Variants in SEMA3A observed in about 807,000 individuals in gnomAD.
SEMA3A encodes semaphorin-3A.
Under a neutral mutation model 97.9 loss-of-function variants are expected in SEMA3A, and 29 were observed. The ratio of observed to expected loss-of-function variants is 0.30; its 90% CI spans 0.22 to 0.40. The LOEUF is 0.40. Among genes scored for constraint, SEMA3A ranks in the 10% least tolerant of loss-of-function variants. SEMA3A has a pLI of 1.00. For synonymous variants in SEMA3A, 321 were observed against 323.7 expected, an observed-to-expected ratio of 0.99 and a Z score of 0.09; for missense variants, 763 against 951.3, an observed-to-expected ratio of 0.80 and a Z score of 2.60.
chr7:84,085,428 G>A (rs1341501703), intron 4 of SEMA3A, among the ~76,000 whole-genome samples: 1 of 151,894 alleles, frequency 6.6e-6, no homozygotes, highest in Non-Finnish European at 1.5e-5. Context: ...CTAGTGGGCT[G>A]GATGAGGGCA....
At chr7:84,402,314 A>T (rs1803926624) in intron 1 of SEMA3A, among the ~76,000 whole-genome samples, 1 of 152,188 alleles carries the variant, frequency 6.6e-6, no homozygotes, top group South Asian at 2.1e-4. Flanking sequence ...TCCTAGTTAG[A>T]ATGCTATTAA....
chr7:84,222,419 G>A (rs1413120655), intron 3 of SEMA3A, among the ~76,000 whole-genome samples: 2 of 151,914 alleles, frequency 1.3e-5, no homozygotes, highest in South Asian at 2.1e-4. Context: ...TATAGGACAA[G>A]CAGGAATAGC....
intron 1 of SEMA3A, among the ~76,000 whole-genome samples, chr7:84,461,535 T>C (rs376905135): frequency 6.6e-6 from 1 of 152,084 alleles, no homozygotes; most frequent in Non-Finnish European, 1.5e-5. Context: ...AGGAGACTTA[T>C]GCATGAAGAG....
At chr7:84,331,305 G>C (rs1801903968) in intron 2 of SEMA3A, among the ~76,000 whole-genome samples, 1 of 152,036 alleles carries the variant, frequency 6.6e-6, no homozygotes. Flanking sequence ...TGAAATCAAG[G>C]CTTAATATTT....
At chr7:84,411,381 T>C (rs1005203633) in intron 1 of SEMA3A, among the ~76,000 whole-genome samples, 6 of 152,100 alleles carry the variant, frequency 3.9e-5, no homozygotes, top group Non-Finnish European at 8.8e-5. Flanking sequence ...GATTTATCTC[T>C]CAGGGATGCT....
At chr7:84,414,557 T>G (rs1402056068) in intron 1 of SEMA3A, among the ~76,000 whole-genome samples, 1 of 152,094 alleles carries the variant, frequency 6.6e-6, no homozygotes, top group Non-Finnish European at 1.5e-5. Context: ...ACACAAATGG[T>G]CATTATGTGA....
intron 3 of SEMA3A, among the ~76,000 whole-genome samples, chr7:84,305,155 C>T (rs549154139): frequency 6.6e-6 from 1 of 150,852 alleles, no homozygotes; most frequent in African/African-American, 2.4e-5. Flanking sequence ...AATATACTGT[C>T]TACGCTTTTA....
intron 2 of SEMA3A, among the ~76,000 whole-genome samples, chr7:84,321,872 G>GAAAAAAAAAAAAAAA (rs1156548285): frequency 8.3e-4 from 10 of 12,020 alleles, no homozygotes; most frequent in African/African-American, 1.3e-3. Context: ...CGAGACTACG[G>GAAAAAAAAAAAAAAA]AAAAAAAAAA....
chr7:84,249,791 A>G (rs1799564833), intron 3 of SEMA3A, among the ~76,000 whole-genome samples: 1 of 152,004 alleles, frequency 6.6e-6, no homozygotes, highest in African/African-American at 2.4e-5. Context: ...TCTAAAAAAA[A>G]AAAAAATTGT....
At chr7:84,269,711 A>C (rs771035540) in intron 3 of SEMA3A, among the ~76,000 whole-genome samples, 60 of 152,226 alleles carry the variant, frequency 3.9e-4, no homozygotes, top group Non-Finnish European at 7.2e-4. Flanking sequence ...TTAGGTTTGC[A>C]AAAGCAACTC....
rs570130530 is a variant in SEMA3A, at chr7:84,379,829, A to G, written c.-245-7929T>C. ...TCCTTCATATGTTACTGCTTACAGT[A>G]TTTTTCAATTAGGGACAATTTGTTA... On this transcript the variant is annotated intron_variant, in intron 1 of 3. Transcript: ENST00000424555. Among the ~76,000 whole-genome samples the G allele has an allele frequency of 3.3e-5, 5 of 152,308 alleles. No individual in the cohort carries two copies. The South Asian group carries it at 1.0e-3, about 32-fold the overall frequency.
intron 2 of SEMA3A, among the ~76,000 whole-genome samples, chr7:84,312,961 A>C (rs1440049796): frequency 7.4e-6 from 1 of 135,876 alleles, no homozygotes; most frequent in Non-Finnish European, 1.6e-5. Context: ...CATATATGTT[A>C]CATATTGTAT....
At chr7:84,424,542 A>G (rs1218806345) in intron 1 of SEMA3A, among the ~76,000 whole-genome samples, 3 of 92,918 alleles carry the variant, frequency 3.2e-5, no homozygotes, top group Non-Finnish European at 5.3e-5. Flanking sequence ...ATATATAAAT[A>G]TTAATATATA....
intron 3 of SEMA3A, among the ~76,000 whole-genome samples, chr7:84,208,070 G>A (rs554476968): frequency 2.0e-5 from 3 of 151,958 alleles, no homozygotes; most frequent in Admixed American, 6.6e-5. Context: ...ATACATGCAT[G>A]CCTACATTAT....
intron 1 of SEMA3A, among the ~76,000 whole-genome samples, chr7:84,457,362 A>G (rs996840801): frequency 1.3e-5 from 2 of 151,876 alleles, no homozygotes; most frequent in Non-Finnish European, 2.9e-5. Flanking sequence ...ATGCAGAGCA[A>G]ACTCCTTGGA....
At chr7:84,475,535 T>C (rs1429169904) in intron 1 of SEMA3A, among the ~76,000 whole-genome samples, 8 of 152,224 alleles carry the variant, frequency 5.3e-5, no homozygotes, top group Non-Finnish European at 8.8e-5. Context: ...AAATCTATTA[T>C]ATAAAAATAT....
At chr7:84,376,497 G>A in intron 1 of SEMA3A, among the ~76,000 whole-genome samples, 1 of 140,766 alleles carries the variant, frequency 7.1e-6, no homozygotes. Context: ...CCAGCTACTT[G>A]GGAGGCTGAG....
chr7:84,420,329 A>G (rs1324953759), intron 1 of SEMA3A, among the ~76,000 whole-genome samples: 1 of 152,130 alleles, frequency 6.6e-6, no homozygotes, highest in African/African-American at 2.4e-5. Context: ...AACCAGGAAA[A>G]TGATGGATGT....
At position 84,225,657 on chromosome 7, in the gene SEMA3A, C is replaced by T. The variant is rs114657549; in HGVS notation, c.-82-30989G>A. 4.2e-3 allele frequency among the ~76,000 whole-genome samples: 642 copies of T among 152,088 alleles called. 3 individuals carry two copies. The highest frequency in any genetic ancestry group is 0.014 in the African/African-American group (590 of 41,484). The stretch of plus-strand genomic sequence containing the variant: ...ATGTGTTTGCCTGCATCAATCACCC[C>T]GAGGGCCAAATGTAAATTCCTAGGT... On this transcript the variant is annotated intron_variant, in intron 3 of 3. Coordinates refer to the SEMA3A transcript ENST00000424555.
Sources: allele counts gnomAD v4.1 joint callset (sites outside exome capture counted in the v4.1 genomes callset), GRCh38; gene constraint gnomAD v4.1.1; transcripts MANE v1.5; gene names NCBI Gene and HGNC (gene_info 2026-07-23, HGNC 2026-07-21).